The following GAS7 variants were observed in gnomAD, a reference collection of about 807,000 sequenced individuals.
The protein encoded by GAS7 is growth arrest-specific protein 7.
A neutral mutation model predicts 71.1 loss-of-function variants in GAS7; 28 were observed. The observed-to-expected ratio is 0.39, with a 90% confidence interval of 0.29 to 0.54. The LOEUF (loss-of-function observed/expected upper bound fraction) is 0.54, where lower values mean the gene tolerates loss of function less well. GAS7 is among the 20% of genes least tolerant of loss of function. The probability of loss-of-function intolerance (pLI) is 0.62; values close to 1 mark genes in which losing one functional copy is unlikely to be tolerated. For synonymous variants in GAS7, 258 were observed against 245.8 expected, an observed-to-expected ratio of 1.05 and a Z score of -0.46; for missense variants, 436 against 627.8, an observed-to-expected ratio of 0.69 and a Z score of 3.27.
chr17:10,156,290 A>G (rs889143740), intron 1 of GAS7, among the ~76,000 whole-genome samples: 1 of 152,240 alleles, frequency 6.6e-6, no homozygotes, highest in Middle Eastern at 3.4e-3. Context: ...CCTCCATGCC[A>G]CAGCCATGGG....
intron 1 of GAS7, among the ~76,000 whole-genome samples, chr17:10,160,168 G>C (rs557064395): frequency 8.1e-4 from 124 of 152,212 alleles, no homozygotes; most frequent in Admixed American, 2.3e-3. Flanking sequence ...AGCCTCCCAA[G>C]GTGCTGGGAT....
chr17:10,140,657 A>G (rs899491135), intron 1 of GAS7, among the ~76,000 whole-genome samples: 2 of 151,950 alleles, frequency 1.3e-5, no homozygotes, highest in Non-Finnish European at 2.9e-5. Flanking sequence ...TGTTTCTCCT[A>G]CTCATTCTGC....
intron 1 of GAS7, among the ~76,000 whole-genome samples, chr17:10,093,257 C>T (rs1433975394): frequency 1.3e-5 from 2 of 152,136 alleles, no homozygotes; most frequent in Non-Finnish European, 2.9e-5. Flanking sequence ...ATCTAATATC[C>T]TGAGCCTTTA....
intron 9 of GAS7, 133 bp downstream of exon 9, chr17:9,934,033 G>A (rs539340117): frequency 1.2e-4 from 82 of 690,648 alleles, no homozygotes; most frequent in South Asian, 9.1e-4. Context: ...TCCGTATTCC[G>A]TGACTTCATG....
chr17:10,138,801 C>A (rs2074060068), intron 1 of GAS7, among the ~76,000 whole-genome samples: 1 of 152,036 alleles, frequency 6.6e-6, no homozygotes, highest in East Asian at 1.9e-4. Context: ...ACAAAAAAAA[C>A]AAACCTAGAA....
chr17:10,167,649 G>A (rs1008921623), intron 1 of GAS7, among the ~76,000 whole-genome samples: 10 of 152,094 alleles, frequency 6.6e-5, no homozygotes, highest in Non-Finnish European at 1.5e-4. Context: ...CAAACATTGC[G>A]AAGGTCTTTT....
At chr17:10,064,321 T>C (rs1025199910) in intron 1 of GAS7, among the ~76,000 whole-genome samples, 2 of 152,222 alleles carry the variant, frequency 1.3e-5, no homozygotes, top group Non-Finnish European at 2.9e-5. Context: ...TGGGGGTCTG[T>C]GACCTACAAA....
At chr17:9,977,519 T>G (rs555067375) in intron 3 of GAS7, among the ~76,000 whole-genome samples, 1 of 152,236 alleles carries the variant, frequency 6.6e-6, no homozygotes, top group Non-Finnish European at 1.5e-5. Flanking sequence ...CAGCAGTTAC[T>G]GAATGGCGTC....
At chr17:10,113,653 G>A (rs545224201) in intron 1 of GAS7, among the ~76,000 whole-genome samples, 6 of 152,078 alleles carry the variant, frequency 3.9e-5, no homozygotes, top group Middle Eastern at 3.4e-3. Context: ...CCCGACACAC[G>A]GTTTCCTGGG....
At chr17:10,067,949 T>C in intron 1 of GAS7, among the ~76,000 whole-genome samples, 1 of 152,216 alleles carries the variant, frequency 6.6e-6, no homozygotes, top group East Asian at 1.9e-4. Context: ...TGTTACGTTT[T>C]GTAAAGAATC....
rs377290272 is a variant in GAS7 at position 10,075,064 on chromosome 17, T to C, written c.184-55167A>G. Among the ~76,000 whole-genome samples the C allele has an allele frequency of 7.9e-5, 12 of 152,146 alleles. No individual in the cohort carries two copies. The East Asian group carries it at 1.2e-3, about 15-fold the overall frequency. On this transcript the variant is annotated intron_variant, in intron 1 of 13. Coordinates refer to ENST00000432992, the MANE Select transcript of GAS7 (RefSeq NM_201433.2). Reference sequence around the variant, plus strand: ...ACTAAAGTCTGATAAATTATAACTATTGAAAATTAAGGGCTGGGAGCGGTG... The same window carrying C: ...ACTAAAGTCTGATAAATTATAACTACTGAAAATTAAGGGCTGGGAGCGGTG...
intron 1 of GAS7, among the ~76,000 whole-genome samples, chr17:10,061,736 C>G (rs1359204442): frequency 6.6e-6 from 1 of 152,152 alleles, no homozygotes; most frequent in African/African-American, 2.4e-5. Context: ...CACCCCCTTT[C>G]AGGCCCCTGG....
At chr17:9,954,047 T>C (rs1597530995) in intron 5 of GAS7, among the ~76,000 whole-genome samples, 1 of 152,002 alleles carries the variant, frequency 6.6e-6, no homozygotes, top group Admixed American at 6.6e-5. Context: ...AGGGGAGGAA[T>C]CTTAGATTTA....
At position 9,926,976 on chromosome 17, in the gene GAS7, G is replaced by GC. The variant is rs937074324; in HGVS notation, c.886-208dup. 5.2e-6 allele frequency: 3 copies of GC among 579,282 alleles called. No individual in the cohort carries two copies. Among genetic ancestry groups the GC allele is most frequent in the African/African-American group, 3.7e-5 (2 of 53,564 alleles). 35.9% of individuals were successfully genotyped at this position (579,282 alleles called of 1,614,324 possible). On this transcript the variant is annotated intron_variant, in intron 9 of 13. Transcript: ENST00000432992. The surrounding 1 kb of genome is among the most constrained non-coding windows in gnomAD (Gnocchi z 5.0). ...TAGGCAGGTCACCTTAGCTCAGGAGGCCCCCACACACGTCTACAGGATAAG... is the reference window on the plus strand; with the variant it reads ...TAGGCAGGTCACCTTAGCTCAGGAGGCCCCCCACACACGTCTACAGGATAAG...
At chr17:10,100,816 T>C (rs1271921958) in intron 1 of GAS7, among the ~76,000 whole-genome samples, 1 of 152,158 alleles carries the variant, frequency 6.6e-6, no homozygotes, top group Non-Finnish European at 1.5e-5. Context: ...CAAAGCGGGA[T>C]AAAAAGGGTT....
At chr17:10,070,341 CTTTTTTTTTTTTT>C (rs71365713) in intron 1 of GAS7, among the ~76,000 whole-genome samples, 2 of 106,132 alleles carry the variant, frequency 1.9e-5, no homozygotes, top group East Asian at 2.8e-4. Flanking sequence ...TCTCTCTCTT[CTTTTTTTTTTTTT>C]TTTTTTTTTT....
At chr17:10,167,424 T>C (rs2074303991) in intron 1 of GAS7, among the ~76,000 whole-genome samples, 1 of 152,154 alleles carries the variant, frequency 6.6e-6, no homozygotes, top group South Asian at 2.1e-4. Flanking sequence ...GAGTAGGACA[T>C]GAAAAAAATA....
intron 1 of GAS7, chr17:10,059,566 G>A (rs1597760981): frequency 5.9e-6 from 2 of 339,944 alleles, no homozygotes; most frequent in East Asian, 1.7e-4. Flanking sequence ...CCCTAGCCAA[G>A]CAAGAGGTCA....
intron 4 of GAS7, among the ~76,000 whole-genome samples, chr17:9,967,938 T>C (rs1326252420): frequency 1.3e-5 from 2 of 152,238 alleles, no homozygotes; most frequent in Non-Finnish European, 2.9e-5. Context: ...CAGTGTCCAT[T>C]CTTTAAAATA....
Sources: gnomAD v4.1 joint callset for allele counts (sites outside exome capture counted in the v4.1 genomes callset) on GRCh38, gnomAD v4.1.1 for gene constraint, Gnocchi (gnomAD v3.1) non-coding constraint, MANE v1.5 for transcripts, NCBI Gene and HGNC (gene_info 2026-07-23, HGNC 2026-07-21) for gene names.